DARS1: variants seen among roughly 807,000 people sequenced by gnomAD.
DARS1 encodes aspartyl-tRNA synthetase 1.
In DARS1, 51 loss-of-function variants were observed where a neutral mutation model predicts 68.8. The ratio of observed to expected loss-of-function variants is 0.74; its 90% CI spans 0.59 to 0.94. DARS1 has a LOEUF of 0.94. Ranked by LOEUF, DARS1 falls within the 40% of genes least tolerant of loss-of-function variation. The pLI is 0.00. For missense variants in DARS1, 607 were observed against 597.3 expected (o/e 1.02, Z -0.17); for synonymous variants, 203 against 190.4 (o/e 1.07, Z -0.55).
intron 5 of DARS1, among the ~76,000 whole-genome samples, chr2:135,939,224 T>A (rs146736490): frequency 6.6e-6 from 1 of 152,130 alleles, no homozygotes; most frequent in Non-Finnish European, 1.5e-5. Flanking sequence ...CAGCACCACA[T>A]TGCACTTATT....
intron 4 of DARS1, among the ~76,000 whole-genome samples, chr2:135,950,252 T>C (rs566865222): frequency 4.1e-4 from 62 of 152,290 alleles, no homozygotes; most frequent in African/African-American, 1.1e-3. Flanking sequence ...AATAAACAAA[T>C]AGTCCTAAGG....
intron 15 of DARS1, among the ~76,000 whole-genome samples, chr2:135,910,224 T>C (rs1558775025): frequency 6.6e-6 from 1 of 152,186 alleles, no homozygotes; most frequent in Non-Finnish European, 1.5e-5. Flanking sequence ...CTCTTTGTAA[T>C]GTTTAGAAGA....
At chr2:135,967,591 G>A (rs1682265022) in intron 3 of DARS1, among the ~76,000 whole-genome samples, 1 of 152,062 alleles carries the variant, frequency 6.6e-6, no homozygotes, top group Non-Finnish European at 1.5e-5. Context: ...TAAGAAATCT[G>A]ATTTTCATTT....
chr2:135,956,533 T>G (rs1681981334), intron 4 of DARS1, among the ~76,000 whole-genome samples: 1 of 152,086 alleles, frequency 6.6e-6, no homozygotes, highest in South Asian at 2.1e-4. Flanking sequence ...AGCAGGATTC[T>G]TACTAAAACT....
At chr2:135,982,386 A>G (rs1682655153) in intron 2 of DARS1, among the ~76,000 whole-genome samples, 1 of 152,020 alleles carries the variant, frequency 6.6e-6, no homozygotes, top group African/African-American at 2.4e-5. Context: ...CCTTGAGTTC[A>G]GGAGTTCGAG....
intron 9 of DARS1, among the ~76,000 whole-genome samples, chr2:135,922,515 TAAG>T (rs1218355891): frequency 6.6e-6 from 1 of 152,208 alleles, no homozygotes; most frequent in Non-Finnish European, 1.5e-5. Context: ...CATTCCTCTG[TAAG>T]AATACATATG....
intron 1 of DARS1, chr2:135,985,124 GCTC>G (rs1428292078): frequency 9.9e-6 from 5 of 504,314 alleles, no homozygotes; most frequent in South Asian, 9.6e-5. Context: ...GTGACGCCGC[GCTC>G]CTACTTCCGG....
chr2:135,923,263 A>G (rs999074661), intron 8 of DARS1, among the ~76,000 whole-genome samples: 6 of 152,114 alleles, frequency 3.9e-5, no homozygotes, highest in Non-Finnish European at 8.8e-5. Flanking sequence ...TCTTTTAAAA[A>G]AATTTCCCCA....
chr2:135,932,710 G>T, intron 7 of DARS1, 73 bp downstream of exon 7: 1 of 796,236 alleles, frequency 1.3e-6, no homozygotes, highest in South Asian at 1.6e-5. Flanking sequence ...TTATAAGCCT[G>T]AGACAGGTAT....
chr2:135,931,022 T>C (rs1293759071), intron 7 of DARS1, among the ~76,000 whole-genome samples: 1 of 152,200 alleles, frequency 6.6e-6, no homozygotes. Context: ...GGTGAAGTAT[T>C]TTTAATCAGG....
At position 135,955,183 on chromosome 2, in the gene DARS1, T is replaced by C. The variant is rs988278670; in HGVS notation, c.320+6213A>G. Among the ~76,000 whole-genome samples the C allele has an allele frequency of 6.0e-5, 9 of 149,758 alleles. No individual in the cohort carries two copies. In the South Asian group the frequency reaches 1.5e-3, roughly 25 times the overall value. ...AAGTCAATAATGGTGAAAGAGACAC[T>C]ATGTACATTAAGTTTTTCCATTTGC... is the stretch of plus-strand genomic sequence containing the variant. On this transcript the variant is annotated intron_variant, in intron 4 of 15. Transcript: ENST00000264161.
Position 135,916,289 on chromosome 2 carries a change from T to C in DARS1, c.1043A>G (p.Tyr348Cys), listed in dbSNP as rs748969355. 5.8e-6 allele frequency: 9 copies of C among 1,559,666 alleles called. No homozygotes were observed. The highest frequency in any genetic ancestry group is 8.0e-6 in the Non-Finnish European group (9 of 1,130,218). Residue 348 changes from tyrosine to cysteine, a missense_variant, in exon 11 of 16, where the codon TAT (tyrosine) becomes TGT (cysteine). Coordinates refer to ENST00000264161, the MANE Select transcript of DARS1 (RefSeq NM_001349.4). The stretch of plus-strand genomic sequence containing the variant: ...CCTAAGCATAGCCAATGCTTCACAA[T>C]ATTCTAGTCTTAGAGTTGGCTCCAA... ...KFLEPTLRLE[Y>C]CEALAMLREA...
intron 3 of DARS1, among the ~76,000 whole-genome samples, chr2:135,970,486 T>A (rs1310184835): frequency 1.3e-5 from 2 of 151,900 alleles, no homozygotes; most frequent in African/African-American, 4.8e-5. Context: ...CAGTGAAAGC[T>A]GTACTAAGAG....
intron 4 of DARS1, among the ~76,000 whole-genome samples, chr2:135,951,077 G>A (rs1681829495): frequency 6.6e-6 from 1 of 152,180 alleles, no homozygotes; most frequent in African/African-American, 2.4e-5. Flanking sequence ...GAGGCAGATT[G>A]GTGGAAATTA....
intron 5 of DARS1, among the ~76,000 whole-genome samples, chr2:135,942,350 T>C (rs1188799150): frequency 6.6e-6 from 1 of 152,044 alleles, no homozygotes; most frequent in Non-Finnish European, 1.5e-5. Context: ...TCATGTCCTT[T>C]GTAGGGACGT....
At position 135,911,221 on chromosome 2, in the gene DARS1, A is replaced by T. The variant is rs1193895295; in HGVS notation, c.1343-11T>A. 2.2e-6 allele frequency: 3 copies of T among 1,387,440 alleles called. No individual in the cohort carries two copies. The highest frequency in any genetic ancestry group is 1.7e-5 in the Admixed American group (1 of 59,090). The allele number at this position is 1,387,440 out of a possible 1,614,324, so 85.9% of individuals were successfully genotyped here. A position where few individuals can be genotyped will look rare whatever the true frequency, so the allele number is the denominator to read the frequency against. ...TAATTTTCTCCAAATCTGCAAAAAG[A>T]CACAAAACAAAATATAATTTATCAT... On this transcript the variant is annotated splice_polypyrimidine_tract_variant and intron_variant, in intron 14 of 15. Coordinates refer to ENST00000264161, the MANE Select transcript of DARS1 (RefSeq NM_001349.4).
rs931806816 is a variant in DARS1, at chr2:135,932,900, C to G, written c.505-58G>C. 3.7e-6 allele frequency: 3 copies of G among 802,696 alleles called. No individual in the cohort carries two copies. In the African/African-American group the frequency reaches 5.4e-5, roughly 14 times the overall value. 49.7% of individuals were successfully genotyped at this position (802,696 alleles called of 1,614,324 possible). ...AATTTTACTAATATTTTGAAGAGCA[C>G]AAAAAATACTTTTAGAAGCCATGTT... On this transcript the variant is annotated intron_variant, in intron 6 of 15. Transcript: ENST00000264161.
intron 4 of DARS1, among the ~76,000 whole-genome samples, chr2:135,950,677 GA>G (rs1411109141): frequency 6.6e-6 from 1 of 152,146 alleles, no homozygotes; most frequent in Non-Finnish European, 1.5e-5. Flanking sequence ...AGATAAAGAG[GA>G]ATGAGATCCT....
intron 9 of DARS1, among the ~76,000 whole-genome samples, chr2:135,921,562 T>C (rs1681110663): frequency 6.6e-6 from 1 of 152,198 alleles, no homozygotes; most frequent in Non-Finnish European, 1.5e-5. Flanking sequence ...TTGCTGATGG[T>C]ATAGGACAAT....
Sources: gnomAD v4.1 joint callset for allele counts (sites outside exome capture counted in the v4.1 genomes callset) on GRCh38, gnomAD v4.1.1 for gene constraint, MANE v1.5 for transcripts, NCBI Gene and HGNC (gene_info 2026-07-23, HGNC 2026-07-21) for gene names.